The following AHCYL2 variants were observed in gnomAD, a reference collection of about 807,000 sequenced individuals.
The protein encoded by AHCYL2 is adenosylhomocysteinase like 2, also known as S-adenosylhomocysteine hydrolase-like protein 2.
Under a neutral mutation model 81.4 loss-of-function variants are expected in AHCYL2, and 28 were observed. The ratio of observed to expected loss-of-function variants is 0.34; its 90% CI spans 0.25 to 0.47. The LOEUF (loss-of-function observed/expected upper bound fraction) is 0.47. Among genes scored for constraint, AHCYL2 ranks in the 20% least tolerant of loss-of-function variants. The pLI is 1.00. For synonymous variants in AHCYL2, 272 were observed against 290.2 expected (o/e 0.94, Z 0.64); for missense variants, 551 against 785.1 (o/e 0.70, Z 3.56).
At chr7:129,245,047 C>CA (rs1794999152) in intron 1 of AHCYL2, among the ~76,000 whole-genome samples, 1 of 121,164 alleles carries the variant, frequency 8.3e-6, no homozygotes, top group African/African-American at 3.1e-5. Context: ...TTTTTTTTGA[C>CA]AGAGTCTCAC....
intron 1 of AHCYL2, among the ~76,000 whole-genome samples, chr7:129,333,019 T>C (rs975158495): frequency 1.3e-5 from 2 of 152,222 alleles, no homozygotes; most frequent in Admixed American, 1.3e-4. Context: ...TCTATTTGTT[T>C]GCATGTTGGA....
At chr7:129,407,939 T>G (rs1796381383) in intron 10 of AHCYL2, among the ~76,000 whole-genome samples, 1 of 152,208 alleles carries the variant, frequency 6.6e-6, no homozygotes, top group Non-Finnish European at 1.5e-5. Flanking sequence ...TGGAAGTATA[T>G]TCCAGGTACT....
At chr7:129,315,049 A>G (rs1797785337) in intron 1 of AHCYL2, among the ~76,000 whole-genome samples, 1 of 152,120 alleles carries the variant, frequency 6.6e-6, no homozygotes, top group Admixed American at 6.6e-5. Flanking sequence ...CACCTACCAC[A>G]TAGTTGGTGC....
intron 1 of AHCYL2, among the ~76,000 whole-genome samples, chr7:129,328,408 C>T (rs1798302687): frequency 6.6e-6 from 1 of 151,066 alleles, no homozygotes; most frequent in Non-Finnish European, 1.5e-5. Flanking sequence ...GAACTCCTGA[C>T]CTTGTGATCC....
chr7:129,302,055 C>A (rs1347373614), intron 1 of AHCYL2, among the ~76,000 whole-genome samples: 1 of 152,004 alleles, frequency 6.6e-6, no homozygotes, highest in Non-Finnish European at 1.5e-5. Flanking sequence ...TTTTCAATGT[C>A]TTGCATCAGT....
intron 1 of AHCYL2, among the ~76,000 whole-genome samples, chr7:129,275,418 A>T (rs1005225167): frequency 2.6e-5 from 4 of 152,186 alleles, no homozygotes; most frequent in Non-Finnish European, 4.4e-5. Context: ...ATAAAAAAAT[A>T]AAAAAATAAC....
intron 1 of AHCYL2, among the ~76,000 whole-genome samples, chr7:129,226,764 G>A (rs1794237705): frequency 6.6e-6 from 1 of 152,114 alleles, no homozygotes; most frequent in Non-Finnish European, 1.5e-5. Context: ...AACTCCTCTG[G>A]GAAGAATTAG....
At chr7:129,401,193 G>C (rs976548036) in intron 6 of AHCYL2, among the ~76,000 whole-genome samples, 2 of 151,860 alleles carry the variant, frequency 1.3e-5, no homozygotes, top group Non-Finnish European at 2.9e-5. Context: ...GCATGCACCT[G>C]TAGTAGTAGT....
chr7:129,275,753 A>G (rs763319125), intron 1 of AHCYL2, among the ~76,000 whole-genome samples: 14 of 152,192 alleles, frequency 9.2e-5, no homozygotes, highest in Non-Finnish European at 1.8e-4. Context: ...AAGAAAATAT[A>G]TAGATACAAA....
intron 1 of AHCYL2, among the ~76,000 whole-genome samples, chr7:129,292,110 C>G (rs1796887352): frequency 6.6e-6 from 1 of 152,096 alleles, no homozygotes; most frequent in Non-Finnish European, 1.5e-5. Flanking sequence ...ATAGAATTTG[C>G]AAATCTTGAA....
intron 1 of AHCYL2, among the ~76,000 whole-genome samples, chr7:129,366,903 C>A (rs997082659): frequency 1.3e-5 from 2 of 152,046 alleles, no homozygotes; most frequent in Admixed American, 6.5e-5. Flanking sequence ...TGGTTTTATA[C>A]ATTTTAAGGG....
chr7:129,347,742 T>G (rs1226935614), intron 1 of AHCYL2, among the ~76,000 whole-genome samples: 1 of 152,194 alleles, frequency 6.6e-6, no homozygotes, highest in Non-Finnish European at 1.5e-5. Flanking sequence ...GATGTTTATA[T>G]TGCCAGGGGT....
intron 1 of AHCYL2, among the ~76,000 whole-genome samples, chr7:129,291,632 T>C (rs1363688259): frequency 2.0e-5 from 3 of 151,558 alleles, no homozygotes; most frequent in African/African-American, 4.8e-5. Flanking sequence ...AGACAGGGTC[T>C]TGCTGTGTCA....
intron 1 of AHCYL2, among the ~76,000 whole-genome samples, chr7:129,325,230 G>T (rs1798178107): frequency 6.6e-6 from 1 of 151,834 alleles, no homozygotes; most frequent in Non-Finnish European, 1.5e-5. Context: ...CTTTTTTCCA[G>T]CTTTTATACA....
chr7:129,429,584 C>CA lies in AHCYL2; in HGVS notation c.*2542dup, dbSNP rs1180120668. 6.6e-6 allele frequency: 1 copy of CA among 152,348 alleles called. No homozygotes were observed. The highest frequency in any genetic ancestry group is 6.5e-5 in the Admixed American group (1 of 15,288). The allele number at this position is 152,348 out of a possible 1,614,324, so 9.4% of individuals were successfully genotyped here. ...TTCACTATGTTGCCCAGGCTGGTCT[C>CA]AAACTCCTGGGCTCAAGCAATCCTC... On this transcript the variant is annotated 3_prime_UTR_variant, in exon 17 of 17. Transcript: ENST00000325006.
chr7:129,271,629 G>T (rs915121401), intron 1 of AHCYL2, among the ~76,000 whole-genome samples: 1 of 152,120 alleles, frequency 6.6e-6, no homozygotes, highest in Non-Finnish European at 1.5e-5. Context: ...CCGGGTGCGG[G>T]TAACATTGGA....
intron 1 of AHCYL2, among the ~76,000 whole-genome samples, chr7:129,373,577 G>T (rs936930278): frequency 4.6e-5 from 7 of 151,708 alleles, no homozygotes; most frequent in Admixed American, 2.0e-4. Context: ...TCCAGCCTGG[G>T]TGACAGACCA....
At chr7:129,244,563 C>G (rs1794982102) in intron 1 of AHCYL2, among the ~76,000 whole-genome samples, 2 of 152,140 alleles carry the variant, frequency 1.3e-5, no homozygotes, top group Non-Finnish European at 2.9e-5. Flanking sequence ...AGATGACAGT[C>G]TTTTTGCTGT....
chr7:129,428,514 C>G lies in AHCYL2; in HGVS notation c.*1469C>G, dbSNP rs1394548226. On this transcript the variant is annotated 3_prime_UTR_variant, in exon 17 of 17. Transcript: ENST00000325006. Reference sequence around the variant, plus strand: ...GAATTAAATAAGCCTCTTCCCCTTACCGATCCTTTTTAACACTCTCAGGTT... The same window carrying G: ...GAATTAAATAAGCCTCTTCCCCTTAGCGATCCTTTTTAACACTCTCAGGTT... 6.6e-6 allele frequency: 1 copy of G among 152,234 alleles called. No homozygotes were observed. The highest frequency in any genetic ancestry group is 2.4e-5 in the African/African-American group (1 of 41,450). 9.4% of individuals were successfully genotyped at this position (152,234 alleles called of 1,614,324 possible).
Sources: gnomAD v4.1 joint callset for allele counts (sites outside exome capture counted in the v4.1 genomes callset) on GRCh38, gnomAD v4.1.1 for gene constraint, MANE v1.5 for transcripts, NCBI Gene and HGNC (gene_info 2026-07-23, HGNC 2026-07-21) for gene names.